ADAMTSL1: variants seen among roughly 807,000 people sequenced by gnomAD.
The protein encoded by ADAMTSL1 is ADAMTS like 1, also known as ADAMTS-like protein 1.
Under a neutral mutation model 201.8 loss-of-function variants are expected in ADAMTSL1, and 126 were observed. The ratio of observed to expected loss-of-function variants is 0.62; its 90% CI spans 0.54 to 0.72. ADAMTSL1 has a LOEUF of 0.72. ADAMTSL1 is among the 30% of genes least tolerant of loss of function. The pLI is 0.00. For synonymous variants in ADAMTSL1, 1,121 were observed against 903.4 expected (o/e 1.24, Z -4.32); for missense variants, 2,679 against 2,277.8 (o/e 1.18, Z -3.59).
intron 2 of ADAMTSL1, among the ~76,000 whole-genome samples, chr9:18,515,863 A>T (rs369380797): frequency 2.7e-4 from 41 of 152,286 alleles, no homozygotes; most frequent in East Asian, 2.5e-3. Context: ...TTATTCTTTC[A>T]TCCTTTTATT....
At chr9:18,721,712 C>G (rs1833394494) in intron 15 of ADAMTSL1, 47 bp downstream of exon 15, 1 of 1,584,256 alleles carries the variant, frequency 6.3e-7, no homozygotes, top group African/African-American at 1.4e-5. Flanking sequence ...ACGTACAGAA[C>G]TGGGCGCATC....
At chr9:18,246,330 A>G (rs993425865) in intron 2 of ADAMTSL1, among the ~76,000 whole-genome samples, 1 of 152,258 alleles carries the variant, frequency 6.6e-6, no homozygotes, top group Middle Eastern at 3.4e-3. Flanking sequence ...TTCCAGTTTT[A>G]GAAAAGTCAT....
Position 18,721,599 on chromosome 9 carries a change from T to C in ADAMTSL1, c.1940T>C (p.Leu647Pro). The C allele has an allele frequency of 1.2e-6, 2 of 1,613,948 alleles. No individual in the cohort carries two copies. Among genetic ancestry groups the C allele is most frequent in the Non-Finnish European group, 1.7e-6 (2 of 1,179,866 alleles). ...KQTREPAEEN[L>P]CVTSRRPPQL... ...ACTCGGGAGCCTGCTGAGGAGAACC[T>C]GTGCGTGACCAGCCGCCGGCCCCCA... Residue 647 changes from leucine to proline, a missense_variant, in exon 15 of 29, where the codon CTG becomes CCG. By Grantham distance (98) the Leu-to-Pro change is moderately conservative. Coordinates refer to ENST00000380548, the MANE Select transcript of ADAMTSL1 (RefSeq NM_001040272.6).
chr9:18,281,134 G>C (rs376524043), intron 2 of ADAMTSL1, among the ~76,000 whole-genome samples: 19 of 152,148 alleles, frequency 1.2e-4, no homozygotes, highest in African/African-American at 4.3e-4. Context: ...ACCTTTAAGG[G>C]TAAACAAGCT....
At position 18,474,295 on chromosome 9, in the gene ADAMTSL1, G is replaced by A; in HGVS notation, c.63G>A (p.Leu21=). 1 of 1,614,024 alleles carries A rather than the reference G, an allele frequency of 6.2e-7. No homozygotes were observed. Among genetic ancestry groups the A allele is most frequent in the Non-Finnish European group, 8.5e-7 (1 of 1,179,980 alleles). The change falls in exon 1 of 29, where the codon CTG becomes CTA. Residue 21 remains leucine, a splice_region_variant and synonymous_variant. Coordinates refer to ENST00000380548, the MANE Select transcript of ADAMTSL1 (RefSeq NM_001040272.6). ...TCCTCTTTCTGGCTTTCCTGCTCCTGGTAAATGCCTTTTCATTTCAATGCA... is the reference window on the plus strand; with the variant it reads ...TCCTCTTTCTGGCTTTCCTGCTCCTAGTAAATGCCTTTTCATTTCAATGCA... The part of the protein sequence containing the change: ...TLLLFLAFLL[L]SSRTARSEED...
rs1159825244 is a variant in ADAMTSL1, at chr9:18,614,758, A to T, written c.475-7485A>T. ...ACCATAACAGCCAGCGTAATGCCTT[A>T]TGCTCAGTTGATTTGGTCTAATTTA... On this transcript the variant is annotated intron_variant, in intron 4 of 28. Coordinates refer to ENST00000380548, the MANE Select transcript of ADAMTSL1 (RefSeq NM_001040272.6). Among the ~76,000 whole-genome samples, 5 of 152,180 alleles carry T rather than the reference A, an allele frequency of 3.3e-5. No homozygotes were observed. The East Asian group carries it at 9.6e-4, about 29-fold the overall frequency.
At chr9:18,558,884 T>C (rs1405206455) in intron 3 of ADAMTSL1, among the ~76,000 whole-genome samples, 1 of 152,194 alleles carries the variant, frequency 6.6e-6, no homozygotes, top group African/African-American at 2.4e-5. Context: ...TTTGTTTAAG[T>C]TCTTTATAGA....
At chr9:18,286,174 A>T (rs988909831) in intron 2 of ADAMTSL1, among the ~76,000 whole-genome samples, 8 of 152,216 alleles carry the variant, frequency 5.3e-5, no homozygotes, top group African/African-American at 1.9e-4. Context: ...TCTAGCAAAC[A>T]CTTTTCCATC....
chr9:18,438,031 G>A (rs1458393086), intron 2 of ADAMTSL1, among the ~76,000 whole-genome samples: 2 of 152,142 alleles, frequency 1.3e-5, no homozygotes, highest in East Asian at 3.9e-4. Context: ...GGTCACTCTT[G>A]AGTCAGTGAG....
chr9:18,692,761 A>G (rs1831308781), intron 13 of ADAMTSL1, among the ~76,000 whole-genome samples: 1 of 152,222 alleles, frequency 6.6e-6, no homozygotes, highest in South Asian at 2.1e-4. Flanking sequence ...GGAAAATGTT[A>G]TGCATTTAAA....
At chr9:18,052,587 C>T (rs1382728389) in intron 1 of ADAMTSL1, among the ~76,000 whole-genome samples, 2 of 152,134 alleles carry the variant, frequency 1.3e-5, no homozygotes, top group East Asian at 3.9e-4. Context: ...CTACTTTGTG[C>T]CTCAGTAGCC....
chr9:18,318,619 C>A (rs1230171415), intron 2 of ADAMTSL1, among the ~76,000 whole-genome samples: 1 of 152,148 alleles, frequency 6.6e-6, no homozygotes, highest in East Asian at 1.9e-4. Flanking sequence ...GATGGCACCT[C>A]TTCCTTACAG....
intron 4 of ADAMTSL1, among the ~76,000 whole-genome samples, chr9:18,595,698 C>T (rs1824218203): frequency 6.6e-6 from 1 of 152,228 alleles, no homozygotes; most frequent in South Asian, 2.1e-4. Context: ...AGGCCAATGT[C>T]AGCAAGCTGA....
intron 23 of ADAMTSL1, among the ~76,000 whole-genome samples, chr9:18,833,378 A>G (rs1825111089): frequency 1.3e-5 from 2 of 152,024 alleles, no homozygotes; most frequent in Non-Finnish European, 2.9e-5. Flanking sequence ...TTGTTTTTTG[A>G]CTTTTTATTA....
intron 2 of ADAMTSL1, among the ~76,000 whole-genome samples, chr9:18,349,855 CT>C (rs926602428): frequency 3.0e-4 from 45 of 151,106 alleles, no homozygotes; most frequent in African/African-American, 1.0e-3. Flanking sequence ...GAGCATTTAG[CT>C]TTTGGAAGCA....
chr9:18,554,528 C>T (rs1019119989), intron 3 of ADAMTSL1, among the ~76,000 whole-genome samples: 9 of 151,808 alleles, frequency 5.9e-5, no homozygotes, highest in Admixed American at 2.6e-4. Context: ...CCCAAATGTC[C>T]GCACTAAGTG....
intron 2 of ADAMTSL1, among the ~76,000 whole-genome samples, chr9:18,514,331 T>TC (rs1299916330): frequency 1.8e-5 from 2 of 112,596 alleles, no homozygotes; most frequent in Admixed American, 8.4e-5. Flanking sequence ...TTCTTTCTTT[T>TC]TTTTTTTTTT....
intron 1 of ADAMTSL1, among the ~76,000 whole-genome samples, chr9:17,915,428 T>C (rs1000012207): frequency 6.6e-6 from 1 of 152,228 alleles, no homozygotes; most frequent in Non-Finnish European, 1.5e-5. Context: ...TTGCATTGTA[T>C]AGATAGACCA....
intron 23 of ADAMTSL1, 86 bp downstream of exon 23, chr9:18,830,063 G>A (rs1563837620): frequency 3.3e-6 from 5 of 1,503,086 alleles, no homozygotes; most frequent in Non-Finnish European, 3.6e-6. Flanking sequence ...GTGGGAAGGA[G>A]GCAGCAGTCG....
Sources: allele counts gnomAD v4.1 joint callset (sites outside exome capture counted in the v4.1 genomes callset), GRCh38; gene constraint gnomAD v4.1.1; transcripts MANE v1.5; gene names NCBI Gene and HGNC (gene_info 2026-07-23, HGNC 2026-07-21).